The following GRB2 variants were observed in gnomAD, a reference collection of about 807,000 sequenced individuals.
GRB2 encodes growth factor receptor bound protein 2.
In GRB2, 2 loss-of-function variants were observed where a neutral mutation model predicts 27.4. That is an observed-to-expected ratio of 0.07 (90% CI 0.03 to 0.23). GRB2 has a LOEUF of 0.23. Ranked by LOEUF, GRB2 falls within the 10% of genes least tolerant of loss-of-function variation. The pLI is 1.00. For missense variants in GRB2, 102 were observed against 282.4 expected (o/e 0.36, Z 4.58); for synonymous variants, 94 against 99.6 (o/e 0.94, Z 0.33).
At chr17:75,381,784 C>G (rs1444857814) in intron 2 of GRB2, among the ~76,000 whole-genome samples, 1 of 149,036 alleles carries the variant, frequency 6.7e-6, no homozygotes, top group South Asian at 2.2e-4. Flanking sequence ...ATGAAATGAT[C>G]AACACTTCCC....
chr17:75,320,374 G>A lies in GRB2; in HGVS notation c.648C>T (p.Asn216=), dbSNP rs143450070. ...AATAATTGCTTCTTGACTCTTAGACGTTCCGGTTCACGGGGGTGACATAAT... is the reference window on the plus strand; with the variant it reads ...AATAATTGCTTCTTGACTCTTAGACATTCCGGTTCACGGGGGTGACATAAT... The part of the protein sequence containing the change: ...PRNYVTPVNR[N]V The change falls in exon 6 of 6, where the codon AAC becomes AAT. Residue 216 remains asparagine (N), a synonymous_variant. Coordinates refer to ENST00000316804, the MANE Select transcript of GRB2 (RefSeq NM_002086.5). This position sits in a 1 kb window ranked among gnomAD's most constrained non-coding sequence, Gnocchi z 4.3. 5.7e-4 allele frequency: 916 copies of A among 1,613,254 alleles called. No homozygotes were observed. Among genetic ancestry groups the A allele is most frequent in the Non-Finnish European group, 6.9e-4 (816 of 1,179,268 alleles).
chr17:75,379,411 AAAAG>A (rs750709291), intron 2 of GRB2, among the ~76,000 whole-genome samples: 8,077 of 45,688 alleles, frequency 0.18, 298 homozygotes, highest in Non-Finnish European at 0.41. Flanking sequence ...AAAAAAAAAA[AAAAG>A]AAAGACAGGG....
At chr17:75,328,048 C>T (rs1242317206) in intron 3 of GRB2, among the ~76,000 whole-genome samples, 2 of 152,170 alleles carry the variant, frequency 1.3e-5, no homozygotes, top group Non-Finnish European at 2.9e-5. Flanking sequence ...ACAGGCTGGG[C>T]CCGGTACCTC....
At chr17:75,381,497 T>A (rs1454224744) in intron 2 of GRB2, among the ~76,000 whole-genome samples, 1 of 151,526 alleles carries the variant, frequency 6.6e-6, no homozygotes, top group Non-Finnish European at 1.5e-5. Context: ...GGCGGGCAGA[T>A]CATGAGGTCA....
intron 2 of GRB2, among the ~76,000 whole-genome samples, chr17:75,346,721 T>C (rs1598229297): frequency 1.3e-5 from 2 of 151,638 alleles, no homozygotes; most frequent in South Asian, 4.2e-4. Flanking sequence ...CAGCTGGGAT[T>C]ACCACACCTG....
chr17:75,337,916 T>C (rs28488378), intron 2 of GRB2, among the ~76,000 whole-genome samples: 69 of 84,396 alleles, frequency 8.2e-4, no homozygotes, highest in Middle Eastern at 5.6e-3. Flanking sequence ...ATTATTATTA[T>C]TATTATTATT....
intron 2 of GRB2, among the ~76,000 whole-genome samples, chr17:75,338,600 G>A (rs2078597585): frequency 6.6e-6 from 1 of 152,116 alleles, no homozygotes; most frequent in Non-Finnish European, 1.5e-5. Flanking sequence ...ACGACACTTT[G>A]GTTTAACGGA....
intron 2 of GRB2, among the ~76,000 whole-genome samples, chr17:75,354,326 C>T (rs1329599829): frequency 1.4e-5 from 2 of 147,366 alleles, no homozygotes; most frequent in African/African-American, 2.6e-5. Flanking sequence ...ATGGTGCGAT[C>T]TCTGCTCACT....
intron 2 of GRB2, among the ~76,000 whole-genome samples, chr17:75,345,672 C>G (rs913996598): frequency 6.6e-6 from 1 of 152,160 alleles, no homozygotes; most frequent in Non-Finnish European, 1.5e-5. Flanking sequence ...GGAAGAGGAA[C>G]TGGGGTAGAG....
chr17:75,369,157 C>T (rs2078839512), intron 2 of GRB2, among the ~76,000 whole-genome samples: 1 of 152,230 alleles, frequency 6.6e-6, no homozygotes, highest in Admixed American at 6.5e-5. Context: ...CTTCAATCCA[C>T]ACTACTCAAA....
At chr17:75,385,677 C>A (rs553700694) in intron 2 of GRB2, among the ~76,000 whole-genome samples, 3 of 152,194 alleles carry the variant, frequency 2.0e-5, no homozygotes, top group Non-Finnish European at 4.4e-5. Flanking sequence ...ATGGGGATAA[C>A]AGCATCTGCC....
intron 1 of GRB2, among the ~76,000 whole-genome samples, chr17:75,400,159 G>C (rs2079055116): frequency 6.6e-6 from 1 of 151,792 alleles, no homozygotes. Context: ...CACCACACCT[G>C]GCTAATTTTT....
intron 2 of GRB2, among the ~76,000 whole-genome samples, chr17:75,337,588 T>G (rs1333716238): frequency 2.3e-5 from 3 of 131,466 alleles, no homozygotes; most frequent in Non-Finnish European, 5.1e-5. Context: ...TTTTTTTTTT[T>G]GAGATGGAGT....
chr17:75,383,659 T>C (rs1005909763), intron 2 of GRB2, among the ~76,000 whole-genome samples: 4 of 152,014 alleles, frequency 2.6e-5, no homozygotes, highest in Non-Finnish European at 4.4e-5. Context: ...CCGGCCAATA[T>C]GGTGAAAGCC....
At chr17:75,384,720 G>GT (rs2078951143) in intron 2 of GRB2, among the ~76,000 whole-genome samples, 1 of 151,816 alleles carries the variant, frequency 6.6e-6, no homozygotes, top group African/African-American at 2.4e-5. Context: ...GATACATATG[G>GT]TAACTAATTC....
intron 2 of GRB2, among the ~76,000 whole-genome samples, chr17:75,361,341 C>G (rs765438012): frequency 3.9e-5 from 6 of 152,122 alleles, no homozygotes; most frequent in Non-Finnish European, 8.8e-5. Context: ...TGGCAAAGAT[C>G]CAAATGCACA....
At chr17:75,328,521 T>C (rs2078515909) in intron 3 of GRB2, among the ~76,000 whole-genome samples, 1 of 151,436 alleles carries the variant, frequency 6.6e-6, no homozygotes, top group Non-Finnish European at 1.5e-5. Context: ...ATGCCTGTAA[T>C]CCCAGCTACT....
chr17:75,373,385 T>C (rs572420296), intron 2 of GRB2: 2 of 152,364 alleles, frequency 1.3e-5, no homozygotes, highest in South Asian at 4.1e-4. Context: ...TCATATGCCG[T>C]GCCGCTATCA....
At chr17:75,324,163 C>T (rs2078479817) in intron 4 of GRB2, among the ~76,000 whole-genome samples, 1 of 144,844 alleles carries the variant, frequency 6.9e-6, no homozygotes, top group African/African-American at 2.4e-5. Context: ...ATTTTAATCA[C>T]ACATTAAGTG....
Sources: allele counts gnomAD v4.1 joint callset (sites outside exome capture counted in the v4.1 genomes callset), GRCh38; gene constraint gnomAD v4.1.1; non-coding constraint Gnocchi (gnomAD v3.1); transcripts MANE v1.5; gene names NCBI Gene and HGNC (gene_info 2026-07-23, HGNC 2026-07-21).